Variants in CFAP47 observed in about 807,000 individuals in gnomAD.
The protein encoded by CFAP47 is cilia- and flagella-associated protein 47.
In CFAP47, 29 loss-of-function variants were observed where a neutral mutation model predicts 148.1. The observed-to-expected ratio is 0.20, with a 90% confidence interval of 0.15 to 0.27. The LOEUF (loss-of-function observed/expected upper bound fraction) is 0.27, where lower values mean the gene tolerates loss of function less well. CFAP47 is among the 10% of genes least tolerant of loss of function. The pLI is 1.00. For synonymous variants in CFAP47, 664 were observed against 577.3 expected (o/e 1.15, Z -2.15); for missense variants, 1,872 against 1,697.5 (o/e 1.10, Z -1.81).
intron 40 of CFAP47, among the ~76,000 whole-genome samples, chrX:36,183,077 A>G (rs768289984): frequency 8.9e-6 from 1 of 112,546 alleles, no homozygotes; most frequent in Non-Finnish European, 1.9e-5. Flanking sequence ...TGGGAGGCTG[A>G]GGTGGACAGA....
rs913614711 is a variant in CFAP47, at chrX:36,207,183, A to T, written c.6817+2073A>T. Reference sequence around the variant, plus strand: ...CTTTAATAAATGCAATTCTATTAGAATTTGTGCCTTAGAAGATTAGAGTTA... The same window carrying T: ...CTTTAATAAATGCAATTCTATTAGATTTTGTGCCTTAGAAGATTAGAGTTA... On this transcript the variant is annotated intron_variant, in intron 45 of 63. Coordinates refer to ENST00000378653, the MANE Select transcript of CFAP47 (RefSeq NM_001304548.2). Among the ~76,000 whole-genome samples the T allele has an allele frequency of 5.3e-5, 6 of 112,430 alleles. No individual in the cohort carries two copies. The Admixed American group carries it at 5.7e-4, about 11-fold the overall frequency.
chrX:36,115,084 G>C (rs182328098), intron 33 of CFAP47, among the ~76,000 whole-genome samples: 177 of 111,475 alleles, frequency 1.6e-3, no homozygotes, highest in African/African-American at 5.6e-3. Context: ...TCTCATTATA[G>C]ACATCAGCTC....
intron 15 of CFAP47, among the ~76,000 whole-genome samples, chrX:35,986,192 A>G (rs1410933495): frequency 9.0e-6 from 1 of 110,632 alleles, no homozygotes; most frequent in Admixed American, 9.7e-5. Flanking sequence ...TAACATCCTG[A>G]AGTGTGTTTT....
chrX:36,012,149 TAA>T (rs1291847765), intron 21 of CFAP47, among the ~76,000 whole-genome samples: 1 of 111,300 alleles, frequency 9.0e-6, no homozygotes, highest in Non-Finnish European at 1.9e-5. Context: ...TGGCAATTAT[TAA>T]AAAGTCAGGA....
At chrX:36,054,386 C>A (rs1011224689) in intron 26 of CFAP47, among the ~76,000 whole-genome samples, 21 of 112,044 alleles carry the variant, frequency 1.9e-4, no homozygotes, top group African/African-American at 6.8e-4. Flanking sequence ...TATTAGAAAT[C>A]AAAATGCATT....
At chrX:36,327,985 A>T (rs1276770156) in intron 57 of CFAP47, among the ~76,000 whole-genome samples, 1 of 111,030 alleles carries the variant, frequency 9.0e-6, no homozygotes, top group Non-Finnish European at 1.9e-5. Context: ...TTGAAAAACG[A>T]CTCATTGAGT....
intron 57 of CFAP47, among the ~76,000 whole-genome samples, chrX:36,345,277 G>A (rs1941687630): frequency 9.0e-6 from 1 of 111,506 alleles, no homozygotes; most frequent in Non-Finnish European, 1.9e-5. Context: ...AGTCTCTGTG[G>A]CACCAGGGAT....
intron 53 of CFAP47, among the ~76,000 whole-genome samples, chrX:36,302,018 A>G (rs1941302974): frequency 9.2e-6 from 1 of 108,748 alleles, no homozygotes; most frequent in South Asian, 4.0e-4. Context: ...AAACAATGAC[A>G]TTTGAAATTT....
At chrX:36,219,215 A>G (rs189696113) in intron 45 of CFAP47, among the ~76,000 whole-genome samples, 155 of 111,898 alleles carry the variant, frequency 1.4e-3, no homozygotes, top group Non-Finnish European at 2.6e-3. Context: ...ATTTGGGGGT[A>G]AAATGATTTT....
intron 45 of CFAP47, among the ~76,000 whole-genome samples, chrX:36,219,519 G>A (rs1287824282): frequency 2.7e-5 from 3 of 111,107 alleles, no homozygotes; most frequent in Non-Finnish European, 5.7e-5. Context: ...TTATTGGTGG[G>A]ACAAGAGTTT....
intron 62 of CFAP47, among the ~76,000 whole-genome samples, chrX:36,375,526 C>T (rs1942014683): frequency 8.9e-6 from 1 of 112,071 alleles, no homozygotes; most frequent in South Asian, 3.6e-4. Flanking sequence ...CTGCATATAG[C>T]TGTTATGTAC....
At chrX:36,012,923 G>C (rs2146702736) in intron 21 of CFAP47, among the ~76,000 whole-genome samples, 1 of 111,488 alleles carries the variant, frequency 9.0e-6, no homozygotes, top group Admixed American at 9.5e-5. Context: ...TGCTGAGTCA[G>C]AGGGAGTGGC....
chrX:36,026,059 A>G (rs1366861516), intron 22 of CFAP47, among the ~76,000 whole-genome samples: 1 of 111,965 alleles, frequency 8.9e-6, no homozygotes, highest in Non-Finnish European at 1.9e-5. Context: ...TACATATGTA[A>G]CGCATTTACA....
chrX:36,145,081 G>C (rs908799990), intron 35 of CFAP47, 138 bp from the exon 36 acceptor site: 1 of 279,646 alleles, frequency 3.6e-6, no homozygotes, highest in African/African-American at 5.9e-5. Flanking sequence ...ATATGCGTGT[G>C]TGTGTGTGTG....
intron 26 of CFAP47, among the ~76,000 whole-genome samples, chrX:36,062,007 C>G (rs1236977002): frequency 9.0e-6 from 1 of 111,251 alleles, no homozygotes. Context: ...CCAGTGTTAC[C>G]AACATATAAT....
Position 36,242,715 on chromosome X carries a change from G to A in CFAP47, c.7332+5856G>A, listed in dbSNP as rs187511159. On this transcript the variant is annotated intron_variant, in intron 48 of 63. Transcript: ENST00000378653. Reference sequence around the variant, plus strand: ...CAAAGCTTGTGACTCATTGGCATTCGTGAGAGAAGGAGAGAAAGTAAGCAA... The same window carrying A: ...CAAAGCTTGTGACTCATTGGCATTCATGAGAGAAGGAGAGAAAGTAAGCAA... Among the ~76,000 whole-genome samples the A allele has an allele frequency of 6.2e-5, 7 of 112,069 alleles. No homozygotes were observed. The East Asian group carries it at 1.4e-3, about 22-fold the overall frequency.
intron 32 of CFAP47, among the ~76,000 whole-genome samples, chrX:36,102,588 T>C (rs1430366115): frequency 3.6e-5 from 4 of 111,296 alleles, no homozygotes; most frequent in Middle Eastern, 9.3e-3. Context: ...GGTCCATCAT[T>C]AAATCAGTAT....
intron 49 of CFAP47, among the ~76,000 whole-genome samples, chrX:36,279,798 G>A (rs1045929417): frequency 3.6e-5 from 4 of 110,684 alleles, no homozygotes; most frequent in Admixed American, 9.7e-5. Context: ...TCCGCCTCCC[G>A]GGTTCAAGTA....
intron 56 of CFAP47, among the ~76,000 whole-genome samples, chrX:36,311,250 T>G (rs1941391949): frequency 9.0e-6 from 1 of 110,830 alleles, no homozygotes; most frequent in African/African-American, 3.3e-5. Flanking sequence ...AATATGTAAA[T>G]TAGTAGATTT....
Sources: gnomAD v4.1 joint callset for allele counts (sites outside exome capture counted in the v4.1 genomes callset) on GRCh38, gnomAD v4.1.1 for gene constraint, MANE v1.5 for transcripts, NCBI Gene and HGNC (gene_info 2026-07-23, HGNC 2026-07-21) for gene names.